The following ZC3H11A variants were observed in gnomAD, a reference collection of about 807,000 sequenced individuals.
ZC3H11A encodes zinc finger CCCH domain-containing protein 11A.
ZC3H11A carries 22 observed loss-of-function variants against 90.8 expected under a neutral mutation model. That is an observed-to-expected ratio of 0.24 (90% CI 0.17 to 0.35). The LOEUF (loss-of-function observed/expected upper bound fraction) is 0.35, where lower values mean the gene tolerates loss of function less well. Among genes scored for constraint, ZC3H11A ranks in the 10% least tolerant of loss-of-function variants. The pLI, the probability that ZC3H11A is intolerant of heterozygous loss-of-function variation, is 1.00. For synonymous variants in ZC3H11A, 294 were observed against 339.8 expected, an observed-to-expected ratio of 0.87 and a Z score of 1.48; for missense variants, 701 against 964.9, an observed-to-expected ratio of 0.73 and a Z score of 3.62.
chr1:203,800,120 T>A (rs988698428), intron 1 of ZC3H11A: 1 of 1,536,086 alleles, frequency 6.5e-7, no homozygotes, highest in African/African-American at 1.4e-5. Flanking sequence ...CTGTAGCAGT[T>A]GTGGATGAGT....
chr1:203,847,842 A>G (rs1478724573), intron 13 of ZC3H11A, among the ~76,000 whole-genome samples, 155 bp downstream of exon 13: 2 of 152,086 alleles, frequency 1.3e-5, no homozygotes, highest in Non-Finnish European at 2.9e-5. Context: ...AGTGCTATGT[A>G]GACCTATGCT....
intron 4 of ZC3H11A, among the ~76,000 whole-genome samples, chr1:203,819,529 A>T (rs200526240): frequency 4.1e-4 from 30 of 72,876 alleles, no homozygotes; most frequent in South Asian, 1.4e-3. Flanking sequence ...GCTGACTCCA[A>T]TTTTTTTTTT....
intron 4 of ZC3H11A, among the ~76,000 whole-genome samples, chr1:203,827,497 G>T (rs1163177859): frequency 6.6e-6 from 1 of 151,672 alleles, no homozygotes; most frequent in African/African-American, 2.4e-5. Context: ...TGGCTAACAT[G>T]GTAAAACCTC....
chr1:203,801,459 A>G (rs1048314695), intron 1 of ZC3H11A, 116 bp from the exon 2 acceptor site: 1 of 152,348 alleles, frequency 6.6e-6, no homozygotes. Context: ...CTCTGAAAGT[A>G]TGTTTCTGAG....
Position 203,797,804 on chromosome 1 carries a change from T to C in ZC3H11A, c.-1588+2010T>C, listed in dbSNP as rs1483637529. On this transcript the variant is annotated intron_variant, in intron 1 of 17. Transcript: ENST00000367210. ...GTAAGGATTTGGGATCTGGGAGGCC[T>C]GTTGCAGATGCCCCTGCTTTGTTAG... 2.0e-6 allele frequency: 3 copies of C among 1,536,110 alleles called. No homozygotes were observed. In the South Asian group the frequency reaches 3.6e-5, roughly 18 times the overall value.
intron 2 of ZC3H11A, chr1:203,806,102 T>C (rs1672244878): frequency 4.0e-6 from 2 of 497,674 alleles, no homozygotes; most frequent in African/African-American, 2.0e-5. Flanking sequence ...ATATTCTTTG[T>C]AGGACCCCCT....
At chr1:203,819,530 T>C (rs1369557813) in intron 4 of ZC3H11A, among the ~76,000 whole-genome samples, 18 of 7,446 alleles carry the variant, frequency 2.4e-3, no homozygotes, top group African/African-American at 8.0e-3. Context: ...CTGACTCCAA[T>C]TTTTTTTTTT....
At chr1:203,796,464 G>A (rs1264242922) in intron 1 of ZC3H11A, 2 of 399,022 alleles carry the variant, frequency 5.0e-6, no homozygotes, top group Non-Finnish European at 8.8e-6. Context: ...TGGTGAAACC[G>A]TAATGAAGAA....
intron 12 of ZC3H11A, among the ~76,000 whole-genome samples, chr1:203,843,106 A>G (rs1262805174): frequency 1.3e-5 from 2 of 152,136 alleles, no homozygotes; most frequent in East Asian, 1.9e-4. Flanking sequence ...GGACATTCTT[A>G]TTCTGTTGTA....
At chr1:203,843,250 C>T (rs1686972232) in intron 12 of ZC3H11A, among the ~76,000 whole-genome samples, 1 of 152,036 alleles carries the variant, frequency 6.6e-6, no homozygotes, top group Non-Finnish European at 1.5e-5. Context: ...CAGTATTTAT[C>T]ATAAATACTG....
intron 4 of ZC3H11A, 121 bp downstream of exon 4, chr1:203,818,810 C>T (rs1677228285): frequency 1.4e-6 from 2 of 1,458,902 alleles, no homozygotes; most frequent in Admixed American, 2.1e-5. Flanking sequence ...TGGCTCATGC[C>T]TGTAGTTCCA....
intron 4 of ZC3H11A, among the ~76,000 whole-genome samples, chr1:203,825,083 A>AC (rs1680063966): frequency 6.6e-6 from 1 of 151,430 alleles, no homozygotes; most frequent in Non-Finnish European, 1.5e-5. Flanking sequence ...TCTCAAAAAA[A>AC]AAAAAAAAAA....
At chr1:203,809,218 C>T (rs985848154) in intron 2 of ZC3H11A, among the ~76,000 whole-genome samples, 2 of 144,112 alleles carry the variant, frequency 1.4e-5, no homozygotes, top group Non-Finnish European at 3.0e-5. Flanking sequence ...CTTTGTCTCC[C>T]AGGCTGGAGT....
In ZC3H11A at chr1:203,829,736, G is replaced by A. The variant is rs753038594; in HGVS notation, c.503-44G>A. The A allele has an allele frequency of 1.6e-5, 25 of 1,611,490 alleles. 1 individual carries two copies. In the Admixed American group the frequency reaches 4.2e-4, roughly 27 times the overall value. ...GGGCAGAATCAGGATTAAAGCTATA[G>A]GCGTATTTTTAATTGTGAATTTGCC... is the stretch of plus-strand genomic sequence containing the variant. On this transcript the variant is annotated intron_variant, in intron 6 of 17. Transcript: ENST00000367210.
intron 12 of ZC3H11A, among the ~76,000 whole-genome samples, chr1:203,842,573 A>G (rs767960936): frequency 3.5e-5 from 5 of 144,536 alleles, no homozygotes; most frequent in Non-Finnish European, 6.0e-5. Context: ...GGCTTTCACA[A>G]CTTTGGTGGC....
chr1:203,801,006 G>T (rs1364269660), intron 1 of ZC3H11A: 1 of 152,172 alleles, frequency 6.6e-6, no homozygotes, highest in Non-Finnish European at 1.5e-5. Flanking sequence ...AAATTGTTGA[G>T]TGTGATAGTG....
chr1:203,840,998 G>A (rs975368444), intron 12 of ZC3H11A, among the ~76,000 whole-genome samples: 8 of 152,084 alleles, frequency 5.3e-5, no homozygotes, highest in African/African-American at 1.9e-4. Context: ...AATTATGATA[G>A]TTATGTGCTA....
At position 203,852,917 on chromosome 1, in the gene ZC3H11A, A is replaced by C. The variant is rs890731907; in HGVS notation, c.*518A>C. 2 of 164,364 alleles carry C rather than the reference A, an allele frequency of 1.2e-5. No homozygotes were observed. Among genetic ancestry groups the C allele is most frequent in the African/African-American group, 4.8e-5 (2 of 41,472 alleles). 10.2% of individuals were successfully genotyped at this position (164,364 alleles called of 1,614,324 possible). ...CTTTTTAAAGGTATTTAAAGATTCA[A>C]CTAAGCTTTAAAGAGGGCTGAGCAG... On this transcript the variant is annotated 3_prime_UTR_variant, in exon 18 of 18. Coordinates refer to ENST00000367210, the MANE Select transcript of ZC3H11A (RefSeq NM_001376342.1).
chr1:203,844,753 A>G (rs1457501470), intron 12 of ZC3H11A, among the ~76,000 whole-genome samples: 6 of 152,072 alleles, frequency 3.9e-5, no homozygotes, highest in Non-Finnish European at 8.8e-5. Flanking sequence ...GGCTCATACA[A>G]TTGCCACAGT....
Sources: allele counts gnomAD v4.1 joint callset (sites outside exome capture counted in the v4.1 genomes callset), GRCh38; gene constraint gnomAD v4.1.1; transcripts MANE v1.5; gene names NCBI Gene and HGNC (gene_info 2026-07-23, HGNC 2026-07-21).